CILP2: variants seen among roughly 807,000 people sequenced by gnomAD.
CILP2 encodes the protein CILP-2.
CILP2 carries 38 observed loss-of-function variants against 45.6 expected under a neutral mutation model. The ratio of observed to expected loss-of-function variants is 0.83; its 90% CI spans 0.64 to 1.09. The LOEUF (loss-of-function observed/expected upper bound fraction) is 1.09. Among genes scored for constraint, CILP2 ranks in the 50% least tolerant of loss-of-function variants. CILP2 has a pLI of 0.00. For synonymous variants in CILP2, 780 were observed against 723.5 expected (o/e 1.08, Z -1.25); for missense variants, 1,735 against 1,662.2 (o/e 1.04, Z -0.76).
intron 2 of CILP2, 50 bp downstream of exon 2, chr19:19,539,827 G>A (rs766645437): frequency 8.6e-5 from 125 of 1,453,676 alleles, no homozygotes; most frequent in Non-Finnish European, 1.1e-4. Context: ...CTTGTTGGGG[G>A]TGGGGCTTGG....
chr19:19,545,365 C>A lies in CILP2; in HGVS notation c.2820C>A (p.Phe940Leu). 6.2e-7 allele frequency: 1 copy of A among 1,612,516 alleles called. No homozygotes were observed. Among genetic ancestry groups the A allele is most frequent in the Non-Finnish European group, 8.5e-7 (1 of 1,179,794 alleles). The stretch of plus-strand genomic sequence containing the variant: ...ACCCGCAGGAGTTCCGGGCCTGCTT[C>A]CTCAAGGTGAAGATCCAGGGTCCCC... ...WPNPQEFRAC[F>L]LKVKIQGPQE... The change falls in exon 8 of 8, where the codon TTC (phenylalanine) becomes TTA (leucine). Residue 940 changes from phenylalanine (F) to leucine (L), a missense_variant. Transcript: ENST00000291495.
chr19:19,543,449 C>T (rs376830577), intron 7 of CILP2, 44 bp downstream of exon 7: 40 of 1,606,638 alleles, frequency 2.5e-5, no homozygotes, highest in Middle Eastern at 3.3e-4. Flanking sequence ...TTCACCCAAA[C>T]GGAACCCGGA....
chr19:19,546,317 T>A lies in CILP2; in HGVS notation c.*301T>A. 3.6e-6 allele frequency: 1 copy of A among 279,468 alleles called. No homozygotes were observed. The allele number at this position is 279,468 out of a possible 1,614,324, so 17.3% of individuals were successfully genotyped here. ...CCCAGCTCAGAAGCCGTCTCTGACT[T>A]CTCGTGCGTATTTTGACCCTGATTT... On this transcript the variant is annotated 3_prime_UTR_variant, in exon 8 of 8. Transcript: ENST00000291495.
At position 19,546,306 on chromosome 19, in the gene CILP2, C is replaced by T. The variant is rs868123069; in HGVS notation, c.*290C>T. The T allele has an allele frequency of 1.7e-5, 5 of 302,244 alleles. No homozygotes were observed. Among genetic ancestry groups the T allele is most frequent in the Non-Finnish European group, 3.0e-5 (5 of 164,158 alleles). 18.7% of individuals were successfully genotyped at this position (302,244 alleles called of 1,614,324 possible). A position where few individuals can be genotyped will look rare whatever the true frequency, so the allele number is the denominator to read the frequency against. On this transcript the variant is annotated 3_prime_UTR_variant, in exon 8 of 8. Transcript: ENST00000291495. ...AGGGACCCGCTCCCAGCTCAGAAGC[C>T]GTCTCTGACTTCTCGTGCGTATTTT...
chr19:19,542,126 C>T (rs975482996), intron 4 of CILP2, among the ~76,000 whole-genome samples: 1 of 152,170 alleles, frequency 6.6e-6, no homozygotes, highest in African/African-American at 2.4e-5. Context: ...CCTCTCCTGT[C>T]CCCTCCTATA....
Position 19,542,901 on chromosome 19 carries a change from G to A in CILP2, c.906G>A (p.Val302=). The part of the protein sequence containing the change: ...PYLVKHPESR[V]REAGQNVTFC... ...TGGTGAAACACCCTGAGTCCCGAGT[G>A]CGAGAGGCTGGCCAGAATGTGACTT... The change falls in exon 6 of 8, where the codon GTG becomes GTA. Residue 302 remains valine, a synonymous_variant. Transcript: ENST00000291495. The A allele has an allele frequency of 6.2e-7, 1 of 1,614,158 alleles. No individual in the cohort carries two copies. The highest frequency in any genetic ancestry group is 8.5e-7 in the Non-Finnish European group (1 of 1,179,992).
Position 19,545,322 on chromosome 19 carries a change from T to G in CILP2, c.2777T>G (p.Leu926Arg). ...ACACCTGCCTCCTGGACTGGCGATC[T>G]CCTGGCCTGGTGGCCCAACCCGCAG... ...EGTPASWTGDLLAWWPNPQEF... is the reference protein window; with the variant it reads ...EGTPASWTGDRLAWWPNPQEF... The change falls in exon 8 of 8, where the codon CTC becomes CGC. Residue 926 changes from leucine to arginine, a missense_variant. Coordinates refer to ENST00000291495, the MANE Select transcript of CILP2 (RefSeq NM_153221.2). 6.2e-7 allele frequency: 1 copy of G among 1,612,674 alleles called. No individual in the cohort carries two copies. The highest frequency in any genetic ancestry group is 8.5e-7 in the Non-Finnish European group (1 of 1,179,824).
intron 2 of CILP2, 92 bp downstream of exon 2, chr19:19,539,869 A>G (rs1012403853): frequency 2.1e-5 from 22 of 1,057,620 alleles, no homozygotes; most frequent in Admixed American, 1.6e-4. Flanking sequence ...GAGGGCACAC[A>G]CTAGACGAAG....
At chr19:19,541,430 T>G (rs1395988410) in intron 4 of CILP2, among the ~76,000 whole-genome samples, 184 bp downstream of exon 4, 5 of 143,530 alleles carry the variant, frequency 3.5e-5, no homozygotes, top group Non-Finnish European at 6.1e-5. Context: ...GACGGGGCTG[T>G]GAAGGGCGGG....
Position 19,542,948 on chromosome 19 carries a change from C to A in CILP2, c.953C>A (p.Thr318Asn). ...NVTFCCKASG[T>N]PMPKKYSWFH... ...ACTTTCTGCTGCAAAGCCTCCGGGA[C>A]CCCCATGCCCAAGAAATACTCCTGG... Residue 318 changes from threonine to asparagine, a missense_variant, in exon 6 of 8, where the codon ACC becomes AAC. Transcript: ENST00000291495. 6.2e-7 allele frequency: 1 copy of A among 1,612,868 alleles called. No homozygotes were observed. The highest frequency in any genetic ancestry group is 8.5e-7 in the Non-Finnish European group (1 of 1,178,914).
intron 3 of CILP2, 154 bp downstream of exon 3, chr19:19,540,630 C>A (rs1004038174): frequency 4.1e-5 from 35 of 860,156 alleles, no homozygotes; most frequent in Middle Eastern, 3.8e-4. Flanking sequence ...CGTAGGACGA[C>A]GTCAGGGGGC....
At position 19,545,258 on chromosome 19, in the gene CILP2, G is replaced by A. The variant is rs773677642; in HGVS notation, c.2713G>A (p.Asp905Asn). ...CTTCCGCTTCGCCAGGGTGGAGGCG[G>A]ACAAGTACGAGTACAACGTGGTCCC... ...SHFRFARVEADKYEYNVVPFR... is the reference protein window; with the variant it reads ...SHFRFARVEANKYEYNVVPFR... The change falls in exon 8 of 8, where the codon GAC (aspartate) becomes AAC (asparagine). Residue 905 changes from aspartate to asparagine, a missense_variant. By Grantham distance (23) the Asp-to-Asn change is conservative. Coordinates refer to ENST00000291495, the MANE Select transcript of CILP2 (RefSeq NM_153221.2). 9 of 1,612,568 alleles carry A rather than the reference G, an allele frequency of 5.6e-6. No individual in the cohort carries two copies. Among genetic ancestry groups the A allele is most frequent in the South Asian group, 1.1e-5 (1 of 91,054 alleles).
Position 19,545,272 on chromosome 19 carries a change from C to A in CILP2, c.2727C>A (p.Tyr909Ter). The A allele has an allele frequency of 1.2e-6, 2 of 1,612,894 alleles. No homozygotes were observed. Among genetic ancestry groups the A allele is most frequent in the Non-Finnish European group, 1.7e-6 (2 of 1,179,888 alleles). Residue 909 changes from tyrosine to a stop codon, truncating the protein, a stop_gained, in exon 8 of 8, where the codon TAC becomes TAA. Coordinates refer to ENST00000291495, the MANE Select transcript of CILP2 (RefSeq NM_153221.2). LOFTEE classifies it low-confidence loss of function (END_TRUNC). ...FARVEADKYE[Y>*]NVVPFREGTP... ...GGGTGGAGGCGGACAAGTACGAGTA[C>A]AACGTGGTCCCCTTCCGAGAGGGCA...
intron 1 of CILP2, 68 bp from the exon 2 acceptor site, chr19:19,539,611 T>G (rs925427150): frequency 3.7e-5 from 40 of 1,067,436 alleles, no homozygotes; most frequent in Middle Eastern, 2.3e-4. Context: ...GCACCTTGCC[T>G]AAAAGGAGGC....
In CILP2 at chr19:19,545,731, C is replaced by T. The variant is rs142462072; in HGVS notation, c.3186C>T (p.Tyr1062=). 5 of 1,613,162 alleles carry T rather than the reference C, an allele frequency of 3.1e-6. No homozygotes were observed. In the African/African-American group the frequency reaches 6.7e-5, roughly 22 times the overall value. Residue 1062 remains tyrosine (Y), a synonymous_variant, in exon 8 of 8, where the codon TAC becomes TAT. Transcript: ENST00000291495. ...CTCTGGGCCACAACTATGGCGTCTA[C>T]ACTGTCACTGACCAGAGCCCACGCT... ...LDPLGHNYGV[Y]TVTDQSPRLA... is the part of the protein sequence containing the mutation.
chr19:19,540,437 C>T lies in CILP2; in HGVS notation c.397C>T (p.Arg133Cys). ...CAACCGCGAGCAACCGCGTGGCCGC[C>T]GCTGCTCCAACTACCACGTGCGCTT... ...CLNREQPRGR[R>C]CSNYHVRFRC... The change falls in exon 3 of 8, where the codon CGC becomes TGC. Residue 133 changes from arginine (R) to cysteine (C), a missense_variant. By Grantham distance (180) the Arg-to-Cys change is radical (BLOSUM62 -3). Coordinates refer to ENST00000291495, the MANE Select transcript of CILP2 (RefSeq NM_153221.2). 6.8e-7 allele frequency: 1 copy of T among 1,472,356 alleles called. No homozygotes were observed. Among genetic ancestry groups the T allele is most frequent in the South Asian group, 1.3e-5 (1 of 74,564 alleles). 91.2% of individuals were successfully genotyped at this position (1,472,356 alleles called of 1,614,324 possible). A position where few individuals can be genotyped will look rare whatever the true frequency, so the allele number is the denominator to read the frequency against.
chr19:19,539,869 A>C, intron 2 of CILP2, 92 bp downstream of exon 2: 1 of 1,057,740 alleles, frequency 9.5e-7, no homozygotes, highest in Non-Finnish European at 1.3e-6. Flanking sequence ...GAGGGCACAC[A>C]CTAGACGAAG....
In CILP2 at chr19:19,545,879, C is replaced by T. The variant is rs1249861995; in HGVS notation, c.3334C>T (p.Pro1112Ser). 2 of 1,588,510 alleles carry T rather than the reference C, an allele frequency of 1.3e-6. No homozygotes were observed. The highest frequency in any genetic ancestry group is 3.4e-5 in the Admixed American group (2 of 58,374). ...GTGCCGGGAGCCACCGGCCGGACGA[C>T]CCAGCCTCTTCCAGAGGCTGCTGGA... ...FQCREPPAGR[P>S]SLFQRLLESP... Residue 1112 changes from proline to serine, a missense_variant, in exon 8 of 8, where the codon CCC (proline) becomes TCC (serine). Transcript: ENST00000291495.
At chr19:19,538,964 A>G (rs1398219294) in intron 1 of CILP2, among the ~76,000 whole-genome samples, 1 of 152,210 alleles carries the variant, frequency 6.6e-6, no homozygotes, top group Non-Finnish European at 1.5e-5. Flanking sequence ...AAGACAGACT[A>G]AGGGAGGGGC....
Sources: allele counts gnomAD v4.1 joint callset (sites outside exome capture counted in the v4.1 genomes callset), GRCh38; gene constraint gnomAD v4.1.1; transcripts MANE v1.5; gene names NCBI Gene and HGNC (gene_info 2026-07-23, HGNC 2026-07-21).